IFT88: variants seen among roughly 807,000 people sequenced by gnomAD.
IFT88 encodes intraflagellar transport protein 88 homolog.
Under a neutral mutation model 119.5 loss-of-function variants are expected in IFT88, and 74 were observed. The observed-to-expected ratio is 0.62, with a 90% CI of 0.51 to 0.75. The LOEUF is 0.75. Ranked by LOEUF, IFT88 falls within the 30% of genes least tolerant of loss-of-function variation. The probability of loss-of-function intolerance (pLI) is 0.00; values close to 1 mark genes in which losing one functional copy is unlikely to be tolerated. For synonymous variants in IFT88, 279 were observed against 316.7 expected (o/e 0.88, Z 1.26); for missense variants, 961 against 977.7 (o/e 0.98, Z 0.23).
intron 15 of IFT88, among the ~76,000 whole-genome samples, chr13:20,629,496 G>C (rs2047862455): frequency 6.6e-6 from 1 of 152,100 alleles, no homozygotes; most frequent in African/African-American, 2.4e-5. Context: ...ACTTCCATCA[G>C]TTTTCTTTGA....
intron 15 of IFT88, among the ~76,000 whole-genome samples, chr13:20,627,455 C>T (rs117750478): frequency 0.042 from 6,412 of 152,144 alleles, 206 homozygotes; most frequent in Non-Finnish European, 0.069. Context: ...AGAGGCCGGG[C>T]GTGGTGGCTC....
In IFT88 at chr13:20,634,339, C is replaced by T. The variant is rs533692492; in HGVS notation, c.1386+3237C>T. ...GAGACCCCAGTTATTCATATCCCTC[C>T]CAAGACTCTGAGTCTCATTCCACCA... On this transcript the variant is annotated intron_variant, in intron 16 of 25. Transcript: ENST00000351808. 7.9e-5 allele frequency among the ~76,000 whole-genome samples: 12 copies of T among 152,250 alleles called. No individual in the cohort carries two copies. The East Asian group carries it at 2.3e-3, about 29-fold the overall frequency.
At chr13:20,675,274 G>A (rs1373080933) in intron 24 of IFT88, among the ~76,000 whole-genome samples, 1 of 151,934 alleles carries the variant, frequency 6.6e-6, no homozygotes, top group African/African-American at 2.4e-5. Flanking sequence ...CCGGGGGGCG[G>A]GTGCTGTCAC....
chr13:20,620,208 CTT>C (rs2046257641), intron 14 of IFT88, among the ~76,000 whole-genome samples: 1 of 150,068 alleles, frequency 6.7e-6, no homozygotes, highest in Admixed American at 6.6e-5. Context: ...TTTTTTTTTT[CTT>C]TTCTCTCTCT....
rs1029611713 is a variant in IFT88 at position 20,691,370 on chromosome 13, T to C, written c.*195T>C. The C allele has an allele frequency of 8.9e-6, 4 of 451,722 alleles. No individual in the cohort carries two copies. The highest frequency in any genetic ancestry group is 3.9e-5 in the Admixed American group (1 of 25,582). The allele number at this position is 451,722 out of a possible 1,614,324, so 28.0% of individuals were successfully genotyped here. A position where few individuals can be genotyped will look rare whatever the true frequency, so the allele number is the denominator to read the frequency against. On this transcript the variant is annotated 3_prime_UTR_variant, in exon 26 of 26. Transcript: ENST00000351808. ...ATAAAAACAGGTAAAACTAATACTT[T>C]AGGCCAGTGACTTCCTTAGCTTTTT...
intron 1 of IFT88, chr13:20,567,662 C>T (rs1265529708): frequency 1.0e-6 from 1 of 963,558 alleles, no homozygotes; most frequent in Non-Finnish European, 1.3e-6. Flanking sequence ...CTTTAATTTT[C>T]TTGTTAGGTG....
At chr13:20,646,775 C>T (rs1485320991) in intron 20 of IFT88, among the ~76,000 whole-genome samples, 20 of 151,612 alleles carry the variant, frequency 1.3e-4, no homozygotes, top group African/African-American at 4.6e-4. Context: ...CAGCCTCCTT[C>T]TGACTTTAAT....
chr13:20,567,826 C>A, intron 1 of IFT88: 3 of 1,181,224 alleles, frequency 2.5e-6, no homozygotes, highest in Non-Finnish European at 3.4e-6. Context: ...TAAAATTACA[C>A]TTTTACTAGT....
At chr13:20,576,974 T>C (rs1359293940) in intron 2 of IFT88, among the ~76,000 whole-genome samples, 1 of 152,338 alleles carries the variant, frequency 6.6e-6, no homozygotes, top group East Asian at 1.9e-4. Context: ...ATTTTAACAA[T>C]ATTGGTTTTT....
chr13:20,585,304 C>T (rs139138819), intron 3 of IFT88, among the ~76,000 whole-genome samples: 1 of 152,188 alleles, frequency 6.6e-6, no homozygotes, highest in Non-Finnish European at 1.5e-5. Context: ...AAAGAACTCA[C>T]TGAAATCTCC....
At chr13:20,669,178 A>G (rs549436667) in intron 23 of IFT88, among the ~76,000 whole-genome samples, 139 of 152,324 alleles carry the variant, frequency 9.1e-4, no homozygotes, top group African/African-American at 2.9e-3. Context: ...TAGGCTGGAC[A>G]GAAAGTAGGA....
At chr13:20,643,752 T>TTTTTG (rs1402723856) in intron 19 of IFT88, 147 bp downstream of exon 19, 25 of 675,392 alleles carry the variant, frequency 3.7e-5, no homozygotes, top group African/African-American at 1.1e-4. Context: ...ATGAAGTTAG[T>TTTTTG]TTTTGTTTTG....
At chr13:20,686,332 G>C (rs1168574328) in intron 24 of IFT88, among the ~76,000 whole-genome samples, 1 of 152,146 alleles carries the variant, frequency 6.6e-6, no homozygotes, top group Non-Finnish European at 1.5e-5. Context: ...TGCAGGAAAG[G>C]CAAGTACTTT....
At position 20,684,741 on chromosome 13, in the gene IFT88, C is replaced by T. The variant is rs151121985; in HGVS notation, c.2243-5964C>T. ...AGCAGACTCAAGCCTCGTGCCTGCTCGACCCTTGTCCCATTGTTACCCTGA... is the reference window on the plus strand; with the variant it reads ...AGCAGACTCAAGCCTCGTGCCTGCTTGACCCTTGTCCCATTGTTACCCTGA... On this transcript the variant is annotated intron_variant, in intron 24 of 25. Coordinates refer to ENST00000351808, the MANE Select transcript of IFT88 (RefSeq NM_006531.5). Among the ~76,000 whole-genome samples the T allele has an allele frequency of 1.1e-3, 169 of 152,334 alleles. 2 individuals are homozygous for T. The highest frequency in any genetic ancestry group is 3.8e-3 in the African/African-American group (157 of 41,572).
chr13:20,668,431 T>G (rs1287148325), intron 23 of IFT88, among the ~76,000 whole-genome samples: 2 of 152,276 alleles, frequency 1.3e-5, no homozygotes, highest in South Asian at 2.1e-4. Context: ...TTTATCAAAC[T>G]AAGGTTTTGA....
At chr13:20,611,393 G>A (rs1460780779) in intron 13 of IFT88, among the ~76,000 whole-genome samples, 2 of 150,898 alleles carry the variant, frequency 1.3e-5, no homozygotes, top group African/African-American at 2.4e-5. Flanking sequence ...GTCAGACATG[G>A]TGATATGCAC....
intron 1 of IFT88, chr13:20,567,716 A>G (rs2035179971): frequency 8.1e-7 from 1 of 1,228,060 alleles, no homozygotes; most frequent in Admixed American, 3.8e-5. Flanking sequence ...AGGAATGAAG[A>G]TAAAAGTACA....
chr13:20,680,379 A>G (rs9509330), intron 24 of IFT88, among the ~76,000 whole-genome samples: 58,916 of 152,078 alleles, frequency 0.39, 13,667 homozygotes, highest in Non-Finnish European at 0.52. Flanking sequence ...GGCATCTAAA[A>G]ACTTTCGTTA....
intron 24 of IFT88, among the ~76,000 whole-genome samples, chr13:20,678,309 GAC>G (rs1348262828): frequency 6.6e-6 from 1 of 152,210 alleles, no homozygotes; most frequent in Non-Finnish European, 1.5e-5. Context: ...TAAAGACACA[GAC>G]ACAGAAATAG....
Sources: allele counts gnomAD v4.1 joint callset (sites outside exome capture counted in the v4.1 genomes callset), GRCh38; gene constraint gnomAD v4.1.1; transcripts MANE v1.5; gene names NCBI Gene and HGNC (gene_info 2026-07-23, HGNC 2026-07-21).